The following TMPRSS15 variants were observed in gnomAD, a reference collection of about 807,000 sequenced individuals.
The protein encoded by TMPRSS15 is transmembrane serine protease 15.
A neutral mutation model predicts 125.3 loss-of-function variants in TMPRSS15; 128 were observed. The observed-to-expected ratio is 1.02, with a 90% CI of 0.89 to 1.18. TMPRSS15 has a LOEUF of 1.18. Among genes scored for constraint, TMPRSS15 ranks in the 50% most tolerant of loss-of-function variants. The pLI, the probability that TMPRSS15 is intolerant of heterozygous loss-of-function variation, is 0.00. For missense variants in TMPRSS15, 1,283 were observed against 1,212.7 expected (o/e 1.06, Z -0.86); for synonymous variants, 446 against 423.2 (o/e 1.05, Z -0.66).
At chr21:18,320,448 T>C (rs1016369448) in intron 16 of TMPRSS15, among the ~76,000 whole-genome samples, 3 of 152,186 alleles carry the variant, frequency 2.0e-5, no homozygotes, top group Non-Finnish European at 4.4e-5. Context: ...CTGATAATTT[T>C]ACCCTTTTAC....
chr21:18,280,984 T>TATTCAAATTCAAAATA, intron 22 of TMPRSS15, 56 bp downstream of exon 22: 1 of 1,545,262 alleles, frequency 6.5e-7, no homozygotes. Flanking sequence ...ATTTGAAATC[T>TATTCAAATTCAAAATA]AGTTTTGAAT....
chr21:18,329,419 AGTGTTTCAAG>A lies in TMPRSS15; in HGVS notation c.1655-135_1655-126del, dbSNP rs1006846638. ...ATTTTTTTTCCACTTCATGAAAATCAGTGTTTCAAGGTGTTTCTTTTTTCTTTTCATTATT... is the reference window on the plus strand; with the variant it reads ...ATTTTTTTTCCACTTCATGAAAATCAGTGTTTCTTTTTTCTTTTCATTATT... On this transcript the variant is annotated intron_variant, in intron 14 of 24. Coordinates refer to ENST00000284885, the MANE Select transcript of TMPRSS15 (RefSeq NM_002772.3). 6 of 963,684 alleles carry A rather than the reference AGTGTTTCAAG, an allele frequency of 6.2e-6. No individual in the cohort carries two copies. The African/African-American group carries it at 8.4e-5, about 13-fold the overall frequency. The allele number at this position is 963,684 out of a possible 1,614,324, so 59.7% of individuals were successfully genotyped here. A position where few individuals can be genotyped will look rare whatever the true frequency, so the allele number is the denominator to read the frequency against.
At position 18,269,996 on chromosome 21, in the gene TMPRSS15, G is replaced by A. The variant is rs778424024; in HGVS notation, c.3033C>T (p.Thr1011=). 5.6e-6 allele frequency: 9 copies of A among 1,613,608 alleles called. No individual in the cohort carries two copies. Among genetic ancestry groups the A allele is most frequent in the South Asian group, 3.3e-5 (3 of 91,086 alleles). ...AATGTAGAAAACTTTGTATCCATTC[G>A]GTAAACCTTGAGACCCTGGCATACA... ...PGVYARVSRF[T]EWIQSFLH Residue 1011 remains threonine (T), a synonymous_variant, in exon 25 of 25, where the codon ACC becomes ACT. Transcript: ENST00000284885.
intron 1 of TMPRSS15, among the ~76,000 whole-genome samples, chr21:18,446,648 G>A (rs1047723279): frequency 5.3e-5 from 8 of 152,066 alleles, no homozygotes; most frequent in African/African-American, 1.9e-4. Context: ...TGCATTTACA[G>A]CCCACTGATT....
chr21:18,480,157 G>A (rs1056543763), intron 1 of TMPRSS15, among the ~76,000 whole-genome samples: 4 of 151,828 alleles, frequency 2.6e-5, no homozygotes, highest in African/African-American at 4.8e-5. Flanking sequence ...CAAACACCAC[G>A]TATTCTCACT....
intron 3 of TMPRSS15, among the ~76,000 whole-genome samples, chr21:18,394,515 TTCTCTC>T (rs373272853): frequency 6.7e-6 from 1 of 148,640 alleles, no homozygotes; most frequent in African/African-American, 2.5e-5. Flanking sequence ...ATGTATGGCA[TTCTCTC>T]TCTCTCTCTC....
At chr21:18,403,357 T>C (rs1416581413) in intron 1 of TMPRSS15, 121 bp downstream of exon 1, 2 of 1,342,966 alleles carry the variant, frequency 1.5e-6, no homozygotes, top group African/African-American at 1.4e-5. Context: ...AAATATTAGA[T>C]TGAAAGCCCA....
In TMPRSS15 at chr21:18,429,130, C is replaced by A. The variant is rs149536687; in HGVS notation, c.11-30801G>T. Among the ~76,000 whole-genome samples, 767 of 152,274 alleles carry A rather than the reference C, an allele frequency of 5.0e-3. 10 individuals are homozygous for A. The highest frequency in any genetic ancestry group is 0.018 in the African/African-American group (744 of 41,548). On this transcript the variant is annotated intron_variant, in intron 1 of 7. Transcript: ENST00000422787. ...AAAATTTGACTGTCCTGCTGGATTTCAGACTAGCATGGGCCCCCTAACCAC... is the reference window on the plus strand; with the variant it reads ...AAAATTTGACTGTCCTGCTGGATTTAAGACTAGCATGGGCCCCCTAACCAC...
At chr21:18,435,445 G>A (rs530125376) in intron 1 of TMPRSS15, among the ~76,000 whole-genome samples, 84 of 152,176 alleles carry the variant, frequency 5.5e-4, no homozygotes, top group Non-Finnish European at 8.5e-4. Context: ...ATTGATTTGC[G>A]TATATTGAAC....
chr21:18,386,009 C>T (rs989892161), intron 3 of TMPRSS15, among the ~76,000 whole-genome samples: 3 of 152,124 alleles, frequency 2.0e-5, no homozygotes, highest in Admixed American at 1.3e-4. Context: ...TCCCAAAGTG[C>T]TGGGATTACA....
intron 21 of TMPRSS15, among the ~76,000 whole-genome samples, chr21:18,284,325 C>A (rs940608894): frequency 2.6e-5 from 4 of 152,170 alleles, no homozygotes; most frequent in Non-Finnish European, 4.4e-5. Flanking sequence ...GAATACAGAG[C>A]TTACAGCCAA....
chr21:18,344,030 C>T lies in TMPRSS15; in HGVS notation c.1202G>A (p.Gly401Glu), dbSNP rs80073031. The T allele has an allele frequency of 4.5e-5, 72 of 1,613,926 alleles. 1 individual carries two copies. The African/African-American group carries it at 8.5e-4, about 19-fold the overall frequency. Residue 401 changes from glycine to glutamate, a missense_variant, in exon 11 of 25, where the codon GGA becomes GAA. Coordinates refer to ENST00000284885, the MANE Select transcript of TMPRSS15 (RefSeq NM_002772.3). ...GFYISTPTGP[G>E]GRQERVGLLS... ...AAGCCCCACTCGTTCTTGTCTCCCTCCTGGTCCAGTTGGGGTAGAAATGTA... is the reference window on the plus strand; with the variant it reads ...AAGCCCCACTCGTTCTTGTCTCCCTTCTGGTCCAGTTGGGGTAGAAATGTA...
At chr21:18,462,473 A>G (rs2122953211) in intron 1 of TMPRSS15, among the ~76,000 whole-genome samples, 22 of 152,276 alleles carry the variant, frequency 1.4e-4, no homozygotes, top group African/African-American at 5.3e-4. Flanking sequence ...AATCACTATT[A>G]GACATAATCA....
intron 13 of TMPRSS15, among the ~76,000 whole-genome samples, chr21:18,336,113 C>T (rs1199559476): frequency 2.0e-5 from 3 of 152,018 alleles, no homozygotes; most frequent in Non-Finnish European, 4.4e-5. Context: ...TTACTCCATG[C>T]TTAAGCTTCT....
chr21:18,398,302 G>C lies in TMPRSS15; in HGVS notation c.173C>G (p.Ala58Gly), dbSNP rs1413294319. 2 of 1,613,668 alleles carry C rather than the reference G, an allele frequency of 1.2e-6. No individual in the cohort carries two copies. Among genetic ancestry groups the C allele is most frequent in the Admixed American group, 1.7e-5 (1 of 60,002 alleles). Reference protein sequence around the residue: ...RGAALGQSHEARATFKITSGV... With the variant: ...RGAALGQSHEGRATFKITSGV... ...GGATGTTATTTTAAATGTCGCTCTG[G>C]CTTCATGACTCTGTCCAAGTGCTGC... is the stretch of plus-strand genomic sequence containing the variant. The change falls in exon 2 of 25, where the codon GCC (alanine) becomes GGC (glycine). Residue 58 changes from alanine to glycine, a missense_variant. Coordinates refer to ENST00000284885, the MANE Select transcript of TMPRSS15 (RefSeq NM_002772.3).
At chr21:18,425,859 A>T (rs1170250548) in intron 1 of TMPRSS15, among the ~76,000 whole-genome samples, 1 of 152,130 alleles carries the variant, frequency 6.6e-6, no homozygotes, top group Non-Finnish European at 1.5e-5. Context: ...GCTGTAAAAA[A>T]CCCTTAATAA....
chr21:18,345,597 T>C (rs11702334), intron 10 of TMPRSS15, among the ~76,000 whole-genome samples: 97,422 of 145,110 alleles, frequency 0.67, 33,072 homozygotes, highest in East Asian at 0.86. Flanking sequence ...AAAAATTAGC[T>C]GGGCGTGGTG....
At chr21:18,360,394 T>A (rs60600268) in intron 7 of TMPRSS15, among the ~76,000 whole-genome samples, 65,655 of 151,924 alleles carry the variant, frequency 0.43, 14,651 homozygotes, top group East Asian at 0.77. Context: ...GAAATGAACA[T>A]GGGAGTGCAG....
At chr21:18,435,400 T>C (rs2076225654) in intron 1 of TMPRSS15, among the ~76,000 whole-genome samples, 1 of 152,222 alleles carries the variant, frequency 6.6e-6, no homozygotes. Context: ...ATGTGGCTTT[T>C]GTCTTTGGTT....
Sources: allele counts gnomAD v4.1 joint callset (sites outside exome capture counted in the v4.1 genomes callset), GRCh38; gene constraint gnomAD v4.1.1; transcripts MANE v1.5; gene names NCBI Gene and HGNC (gene_info 2026-07-23, HGNC 2026-07-21).